YES1: variants seen among roughly 807,000 people sequenced by gnomAD.
The protein encoded by YES1 is YES proto-oncogene 1, Src family tyrosine kinase.
In YES1, 39 loss-of-function variants were observed where a neutral mutation model predicts 70.4. The observed-to-expected ratio is 0.55, with a 90% confidence interval of 0.43 to 0.72. The LOEUF is 0.72. Ranked by LOEUF, YES1 falls within the 30% of genes least tolerant of loss-of-function variation. The pLI is 0.00. For missense variants in YES1, 495 were observed against 644.8 expected, an observed-to-expected ratio of 0.77 and a Z score of 2.52; for synonymous variants, 198 against 218.6, an observed-to-expected ratio of 0.91 and a Z score of 0.83.
chr18:807,782 C>T (rs1475743464), intron 1 of YES1, among the ~76,000 whole-genome samples: 1 of 152,172 alleles, frequency 6.6e-6, no homozygotes, highest in African/African-American at 2.4e-5. Flanking sequence ...TAGAAGTTAT[C>T]CCTCTTGAAG....
chr18:768,357 A>C (rs1048800628), intron 1 of YES1, among the ~76,000 whole-genome samples: 14 of 152,354 alleles, frequency 9.2e-5, no homozygotes, highest in African/African-American at 1.4e-4. Context: ...TCTATAGATC[A>C]ATCTGGGGAG....
At chr18:763,573 C>T (rs930647186) in intron 1 of YES1, among the ~76,000 whole-genome samples, 6 of 151,710 alleles carry the variant, frequency 4.0e-5, no homozygotes, top group African/African-American at 1.5e-4. Flanking sequence ...TGTGGTGGCA[C>T]ATCCCTATAG....
intron 6 of YES1, among the ~76,000 whole-genome samples, chr18:743,670 G>C (rs2080242021): frequency 6.6e-6 from 1 of 152,066 alleles, no homozygotes; most frequent in Admixed American, 6.6e-5. Context: ...CACTTTGGGA[G>C]GTTGAGGCAG....
rs746186632 is a variant in YES1, at chr18:748,037, C to T, written c.372-19G>A. On this transcript the variant is annotated intron_variant, in intron 3 of 11. Transcript: ENST00000314574. Reference sequence around the variant, plus strand: ...TCCTTCCCTGCAACACATAAAACAGCAATCACCGCAAGGTAGACTATTGCC... The same window carrying T: ...TCCTTCCCTGCAACACATAAAACAGTAATCACCGCAAGGTAGACTATTGCC... The T allele has an allele frequency of 2.7e-5, 44 of 1,607,582 alleles. No homozygotes were observed. The highest frequency in any genetic ancestry group is 2.3e-4 in the South Asian group (21 of 90,926).
At position 745,837 on chromosome 18, in the gene YES1, G is replaced by A. The variant is rs1050998183; in HGVS notation, c.595C>T (p.Arg199Cys). The part of the protein sequence containing the change: ...TTKGAYSLSI[R>C]DWDEIRGDNV... ...TCACCCCTTATCTCATCCCAATCAC[G>A]AATAGAAAGGGAATAAGCACCTGGG... Residue 199 changes from arginine (R) to cysteine (C), a missense_variant, in exon 6 of 12, where the codon CGT (arginine) becomes TGT (cysteine). By Grantham distance (180) the Arg-to-Cys change is radical. Around this residue, in one of 2 missense-constraint regions of YES1, gnomAD observed 385 missense variants for 540.9 expected, o/e 0.71. Coordinates refer to ENST00000314574, the MANE Select transcript of YES1 (RefSeq NM_005433.4). 1.3e-5 allele frequency: 21 copies of A among 1,611,970 alleles called. No individual in the cohort carries two copies. Among genetic ancestry groups the A allele is most frequent in the Admixed American group, 5.0e-5 (3 of 59,778 alleles).
rs2079953750 is a variant in YES1 at position 721,695 on chromosome 18, TC to T, written c.*2728del. 1 of 152,196 alleles carries T rather than the reference TC, an allele frequency of 6.6e-6. No homozygotes were observed. Among genetic ancestry groups the T allele is most frequent in the African/African-American group, 2.4e-5 (1 of 41,448 alleles). 9.4% of individuals were successfully genotyped at this position (152,196 alleles called of 1,614,324 possible). A position where few individuals can be genotyped will look rare whatever the true frequency, so the allele number is the denominator to read the frequency against. ...AATGGAAGAATAAATTCAGAATATA[TC>T]AGTTTTTAAAAAACGAATGAGAATA... On this transcript the variant is annotated 3_prime_UTR_variant, in exon 12 of 12. Coordinates refer to ENST00000314574, the MANE Select transcript of YES1 (RefSeq NM_005433.4).
At chr18:741,320 T>C (rs773685636) in intron 8 of YES1, among the ~76,000 whole-genome samples, 2 of 151,624 alleles carry the variant, frequency 1.3e-5, no homozygotes, top group African/African-American at 2.4e-5. Context: ...CACAGCTCAC[T>C]ATGGCCTTAA....
At chr18:730,217 C>T (rs2080071869) in intron 11 of YES1, among the ~76,000 whole-genome samples, 1 of 152,118 alleles carries the variant, frequency 6.6e-6, no homozygotes, top group African/African-American at 2.4e-5. Context: ...GGCAAGAACT[C>T]CTCAGCACTC....
intron 1 of YES1, among the ~76,000 whole-genome samples, chr18:773,599 T>A (rs1204261243): frequency 6.6e-6 from 1 of 152,192 alleles, no homozygotes. Context: ...GTATTTAAGA[T>A]GGTCAGGCAT....
chr18:734,975 T>C (rs1030053228), intron 10 of YES1, among the ~76,000 whole-genome samples: 1 of 151,988 alleles, frequency 6.6e-6, no homozygotes, highest in Admixed American at 6.6e-5. Context: ...GTGGCCAACA[T>C]GGTGAAACCG....
chr18:764,980 C>T (rs1380150468), intron 1 of YES1, among the ~76,000 whole-genome samples: 24 of 150,682 alleles, frequency 1.6e-4, no homozygotes, highest in South Asian at 8.4e-4. Context: ...GTGATCCGTC[C>T]GCCTTAGCCT....
chr18:743,915 AAAAAT>A lies in YES1; in HGVS notation c.725-505_725-501del, dbSNP rs1327379901. Among the ~76,000 whole-genome samples, 14 of 148,232 alleles carry A rather than the reference AAAAAT, an allele frequency of 9.4e-5. 1 individual carries two copies. In the South Asian group the frequency reaches 1.1e-3, roughly 11 times the overall value. On this transcript the variant is annotated intron_variant, in intron 6 of 11. Coordinates refer to ENST00000314574, the MANE Select transcript of YES1 (RefSeq NM_005433.4). The stretch of plus-strand genomic sequence containing the variant: ...AGTGAGATTCTGACTCGAAAAAAAA[AAAAAT>A]ATATATATATATACATGTTATTACT...
Position 756,568 on chromosome 18 carries a change from G to A in YES1, c.260C>T (p.Ala87Val), listed in dbSNP as rs768402137. Residue 87 changes from alanine (A) to valine (V), a missense_variant, in exon 2 of 12, where the codon GCT becomes GTT. By Grantham distance (64) the Ala-to-Val change is moderately conservative. Transcript: ENST00000314574. Reference sequence around the variant, plus strand: ...CATTTAAATCTCACCTGTTAAACCAGCAGGATATGAACTTGGCACCACTGA... The same window carrying A: ...CATTTAAATCTCACCTGTTAAACCAACAGGATATGAACTTGGCACCACTGA... ...SFSVVPSSYPAGLTGGVTIFV... is the reference protein window; with the variant it reads ...SFSVVPSSYPVGLTGGVTIFV... The A allele has an allele frequency of 3.7e-5, 59 of 1,614,122 alleles. 1 individual carries two copies. In the South Asian group the frequency reaches 6.4e-4, roughly 17 times the overall value.
At chr18:755,378 A>C (rs1388125153) in intron 2 of YES1, among the ~76,000 whole-genome samples, 2 of 151,810 alleles carry the variant, frequency 1.3e-5, no homozygotes, top group African/African-American at 4.8e-5. Context: ...CCTCCCGAGT[A>C]GCTGGGACTA....
At position 724,568 on chromosome 18, in the gene YES1, G is replaced by A; in HGVS notation, c.1488C>T (p.Gly496=). The A allele has an allele frequency of 6.2e-7, 1 of 1,614,134 alleles. No individual in the cohort carries two copies. ...TCAATTCATGGAGGGATTCTGGACA[G>A]CCCTGAGGGCACGGCATCCTGTATC... ...ERGYRMPCPQ[G]CPESLHELMN... Residue 496 remains glycine (G), a synonymous_variant, in exon 12 of 12, where the codon GGC becomes GGT. Transcript: ENST00000314574.
intron 1 of YES1, among the ~76,000 whole-genome samples, chr18:771,860 AT>A (rs1568208235): frequency 6.6e-6 from 1 of 151,912 alleles, no homozygotes; most frequent in Non-Finnish European, 1.5e-5. Context: ...GTATTTCCTT[AT>A]GTATCTGCTT....
intron 1 of YES1, 25 bp from the exon 2 acceptor site, chr18:756,860 A>G (rs1259103650): frequency 1.3e-6 from 2 of 1,595,008 alleles, no homozygotes; most frequent in South Asian, 2.2e-5. Context: ...AAATATTTTG[A>G]GAGTCAGTTA....
At chr18:733,252 T>C (rs941147108) in intron 10 of YES1, among the ~76,000 whole-genome samples, 2 of 152,240 alleles carry the variant, frequency 1.3e-5, no homozygotes, top group African/African-American at 2.4e-5. Flanking sequence ...AAGCCAAAGA[T>C]ACATGTTATA....
chr18:778,708 C>T (rs947998068), intron 1 of YES1, among the ~76,000 whole-genome samples: 1 of 152,040 alleles, frequency 6.6e-6, no homozygotes, highest in African/African-American at 2.4e-5. Flanking sequence ...CCATAGGTCA[C>T]GGTGTTCTAC....
Sources: gnomAD v4.1 joint callset for allele counts (sites outside exome capture counted in the v4.1 genomes callset) on GRCh38, gnomAD v4.1.1 for gene constraint, gnomAD v4.1.1 regional missense constraint, MANE v1.5 for transcripts, NCBI Gene and HGNC (gene_info 2026-07-23, HGNC 2026-07-21) for gene names.